Variants in COP1 observed in about 807,000 individuals in gnomAD.
COP1 encodes COP1 E3 ubiquitin ligase, also known as E3 ubiquitin-protein ligase COP1.
COP1 carries 24 observed loss-of-function variants against 101.3 expected under a neutral mutation model. The ratio of observed to expected loss-of-function variants is 0.24; its 90% confidence interval spans 0.17 to 0.33. The LOEUF (loss-of-function observed/expected upper bound fraction) is 0.33. COP1 is among the 10% of genes least tolerant of loss of function. The pLI is 1.00. For synonymous variants in COP1, 347 were observed against 341.9 expected (o/e 1.01, Z -0.17); for missense variants, 663 against 906.2 (o/e 0.73, Z 3.45).
intron 5 of COP1, among the ~76,000 whole-genome samples, chr1:176,150,479 A>T (rs1165056434): frequency 2.0e-5 from 3 of 152,190 alleles, no homozygotes. Context: ...ACACAGAACA[A>T]ACTCACATGG....
chr1:176,127,432 A>C (rs1023464913), intron 8 of COP1, among the ~76,000 whole-genome samples: 2 of 152,108 alleles, frequency 1.3e-5, no homozygotes, highest in African/African-American at 4.8e-5. Context: ...TCCGCATGTA[A>C]GCAAGATCAT....
chr1:175,949,520 C>T (rs918502992), intron 18 of COP1, among the ~76,000 whole-genome samples: 4 of 152,158 alleles, frequency 2.6e-5, no homozygotes, highest in African/African-American at 9.7e-5. Context: ...GAATTTTAAA[C>T]AAGTTGTATG....
chr1:175,967,739 A>G (rs1481407307), intron 18 of COP1, among the ~76,000 whole-genome samples: 1 of 152,246 alleles, frequency 6.6e-6, no homozygotes, highest in East Asian at 1.9e-4. Context: ...TTTTGGAGAA[A>G]TCACTTTCTT....
At chr1:176,011,159 G>C (rs2148953110) in intron 15 of COP1, among the ~76,000 whole-genome samples, 2 of 152,232 alleles carry the variant, frequency 1.3e-5, no homozygotes, top group South Asian at 4.1e-4. Context: ...TTCAAAACCT[G>C]TACTTTATAA....
intron 11 of COP1, among the ~76,000 whole-genome samples, chr1:176,055,218 G>A (rs1177304725): frequency 1.3e-5 from 2 of 152,236 alleles, no homozygotes; most frequent in Non-Finnish European, 1.5e-5. Flanking sequence ...TGGATAACCT[G>A]AGGTCAGGAC....
chr1:176,187,002 G>A (rs372059805), intron 1 of COP1, among the ~76,000 whole-genome samples: 2 of 152,254 alleles, frequency 1.3e-5, no homozygotes, highest in African/African-American at 4.8e-5. Flanking sequence ...GGTACAGTAC[G>A]TGTCATGTCA....
intron 6 of COP1, 27 bp from the exon 7 acceptor site, chr1:176,136,574 C>CA (rs373330844): frequency 0.034 from 40,114 of 1,171,514 alleles, 36 homozygotes; most frequent in Non-Finnish European, 0.039. Flanking sequence ...GAGAGAAAGA[C>CA]AAAAAAAAAA....
rs576367908 is a variant in COP1, at chr1:175,997,643, A to G, written c.1730-8164T>C. Among the ~76,000 whole-genome samples the G allele has an allele frequency of 5.9e-5, 9 of 152,356 alleles. No individual in the cohort carries two copies. In the South Asian group the frequency reaches 1.9e-3, roughly 32 times the overall value. On this transcript the variant is annotated intron_variant, in intron 15 of 19. Transcript: ENST00000367669. ...CATTTATGCAGCCAAAAAACACATG[A>G]AAAAATGCTCATCATCACTGGCTAT...
intron 9 of COP1, among the ~76,000 whole-genome samples, chr1:176,111,062 G>C (rs866113391): frequency 1.3e-5 from 2 of 152,102 alleles, no homozygotes; most frequent in African/African-American, 4.8e-5. Flanking sequence ...TGAGGCAGGA[G>C]AATCACCTGA....
At chr1:176,024,055 C>T (rs1034849090) in intron 15 of COP1, among the ~76,000 whole-genome samples, 19 of 152,104 alleles carry the variant, frequency 1.2e-4, no homozygotes, top group African/African-American at 4.3e-4. Context: ...GTCAGGAGTT[C>T]GAGACCAGCC....
intron 14 of COP1, among the ~76,000 whole-genome samples, chr1:176,041,607 C>G (rs1557983791): frequency 6.6e-6 from 1 of 152,120 alleles, no homozygotes; most frequent in African/African-American, 2.4e-5. Context: ...CCTCAATCTC[C>G]CAAACAAAGT....
At chr1:176,065,941 T>C (rs1196995251) in intron 11 of COP1, among the ~76,000 whole-genome samples, 1 of 152,050 alleles carries the variant, frequency 6.6e-6, no homozygotes, top group Non-Finnish European at 1.5e-5. Flanking sequence ...ACTCCTGACC[T>C]GGTGACCTCA....
chr1:175,978,302 GATA>G (rs775952967), intron 18 of COP1, among the ~76,000 whole-genome samples: 26 of 152,050 alleles, frequency 1.7e-4, no homozygotes, highest in African/African-American at 3.6e-4. Context: ...ATATAAAAAT[GATA>G]ATAATGAAAA....
chr1:176,202,881 A>T (rs1003979456), intron 1 of COP1, among the ~76,000 whole-genome samples: 1 of 152,136 alleles, frequency 6.6e-6, no homozygotes, highest in African/African-American at 2.4e-5. Context: ...CCAGGTTATG[A>T]TATTATAATT....
At chr1:176,023,436 A>G (rs1224834232) in intron 15 of COP1, among the ~76,000 whole-genome samples, 1 of 152,190 alleles carries the variant, frequency 6.6e-6, no homozygotes, top group East Asian at 1.9e-4. Context: ...AAAAGTAAAC[A>G]GGCCAGGCGT....
chr1:176,058,450 G>C (rs1674219605), intron 11 of COP1, among the ~76,000 whole-genome samples: 1 of 152,176 alleles, frequency 6.6e-6, no homozygotes, highest in African/African-American at 2.4e-5. Flanking sequence ...GTTGATCTGT[G>C]ACCTTACCCC....
chr1:175,944,897 CA>C lies in COP1; in HGVS notation c.*255del. The C allele has an allele frequency of 2.4e-6, 1 of 418,164 alleles. No homozygotes were observed. Among genetic ancestry groups the C allele is most frequent in the Non-Finnish European group, 4.3e-6 (1 of 230,972 alleles). 25.9% of individuals were successfully genotyped at this position (418,164 alleles called of 1,614,324 possible). A position where few individuals can be genotyped will look rare whatever the true frequency, so the allele number is the denominator to read the frequency against. ...TTCAAAAGAATTTGTTTCCCTATCACAAAAATTAGATAACACCACCAAGAGC... is the reference window on the plus strand; with the variant it reads ...TTCAAAAGAATTTGTTTCCCTATCACAAAATTAGATAACACCACCAAGAGC... On this transcript the variant is annotated 3_prime_UTR_variant, in exon 20 of 20. Transcript: ENST00000367669.
chr1:176,141,663 C>T (rs1690704021), intron 6 of COP1, among the ~76,000 whole-genome samples: 1 of 152,044 alleles, frequency 6.6e-6, no homozygotes, highest in South Asian at 2.1e-4. Flanking sequence ...TCACATACTT[C>T]ATATCTAGTT....
At chr1:176,185,369 C>T (rs1361794325) in intron 1 of COP1, among the ~76,000 whole-genome samples, 1 of 152,108 alleles carries the variant, frequency 6.6e-6, no homozygotes, top group Non-Finnish European at 1.5e-5. Flanking sequence ...TTCAGGTCTA[C>T]GTTCTTAACC....
Sources: allele counts gnomAD v4.1 joint callset (sites outside exome capture counted in the v4.1 genomes callset), GRCh38; gene constraint gnomAD v4.1.1; transcripts MANE v1.5; gene names NCBI Gene and HGNC (gene_info 2026-07-23, HGNC 2026-07-21).